HCN1: variants seen among roughly 807,000 people sequenced by gnomAD.
HCN1 encodes the protein potassium/sodium hyperpolarization-activated cyclic nucleotide-gated channel 1.
In HCN1, 13 loss-of-function variants were observed where a neutral mutation model predicts 78.9. That is an observed-to-expected ratio of 0.16 (90% CI 0.11 to 0.26). The LOEUF (loss-of-function observed/expected upper bound fraction) is 0.26, where lower values mean the gene tolerates loss of function less well. HCN1 is among the 10% of genes least tolerant of loss of function. The pLI, the probability that HCN1 is intolerant of heterozygous loss-of-function variation, is 1.00. For missense variants in HCN1, 810 were observed against 1,154.3 expected (o/e 0.70, Z 4.32); for synonymous variants, 552 against 455.5 (o/e 1.21, Z -2.70).
chr5:45,464,587 G>A (rs1741230982), intron 2 of HCN1, among the ~76,000 whole-genome samples: 1 of 152,152 alleles, frequency 6.6e-6, no homozygotes, highest in African/African-American at 2.4e-5. Flanking sequence ...CTGGTTAATA[G>A]CAGAGGCAAA....
At chr5:45,372,165 A>G (rs1453997424) in intron 4 of HCN1, among the ~76,000 whole-genome samples, 1 of 59,118 alleles carries the variant, frequency 1.7e-5, no homozygotes, top group Non-Finnish European at 2.5e-5. Context: ...ATGTTATTAT[A>G]TATAATTATA....
At chr5:45,374,633 C>G (rs766184975) in intron 4 of HCN1, among the ~76,000 whole-genome samples, 1 of 150,442 alleles carries the variant, frequency 6.6e-6, no homozygotes, top group Non-Finnish European at 1.5e-5. Context: ...GGACTCCTTC[C>G]TAACTCATTC....
chr5:45,371,559 C>A (rs552274992), intron 4 of HCN1, among the ~76,000 whole-genome samples: 1 of 151,486 alleles, frequency 6.6e-6, no homozygotes, highest in Admixed American at 6.6e-5. Flanking sequence ...GAGTTTGAGA[C>A]CATCCTGGAC....
intron 2 of HCN1, among the ~76,000 whole-genome samples, chr5:45,512,933 C>T (rs1053262674): frequency 1.2e-4 from 18 of 152,014 alleles, no homozygotes; most frequent in East Asian, 3.9e-4. Context: ...TATTTATCAA[C>T]GCCCATTTAC....
intron 2 of HCN1, among the ~76,000 whole-genome samples, chr5:45,499,311 T>C (rs187434572): frequency 5.6e-4 from 85 of 152,286 alleles, no homozygotes; most frequent in Admixed American, 4.6e-3. Flanking sequence ...TTTAAGACGG[T>C]TGGAAAAGCG....
intron 5 of HCN1, among the ~76,000 whole-genome samples, chr5:45,348,360 A>C (rs1230913079): frequency 1.3e-5 from 2 of 152,190 alleles, no homozygotes; most frequent in Non-Finnish European, 2.9e-5. Flanking sequence ...AGAGCTCCTG[A>C]AGGAAGCACT....
At chr5:45,379,573 A>C (rs1216670023) in intron 4 of HCN1, among the ~76,000 whole-genome samples, 1 of 152,128 alleles carries the variant, frequency 6.6e-6, no homozygotes, top group Non-Finnish European at 1.5e-5. Flanking sequence ...GACACAAGAT[A>C]CTTCCTTATT....
chr5:45,592,472 A>G (rs1391147061), intron 2 of HCN1, among the ~76,000 whole-genome samples: 1 of 152,164 alleles, frequency 6.6e-6, no homozygotes, highest in African/African-American at 2.4e-5. Context: ...AGATGATACT[A>G]ATTAGCTATT....
chr5:45,606,173 A>T (rs911029423), intron 2 of HCN1, among the ~76,000 whole-genome samples: 1 of 152,014 alleles, frequency 6.6e-6, no homozygotes, highest in Non-Finnish European at 1.5e-5. Flanking sequence ...TCTCACTTTT[A>T]TACCTTAAAA....
intron 2 of HCN1, among the ~76,000 whole-genome samples, chr5:45,567,564 C>T (rs1743734112): frequency 5.2e-5 from 1 of 19,400 alleles, no homozygotes; most frequent in Non-Finnish European, 1.5e-4. Flanking sequence ...AGGCTACACA[C>T]ACACACACAC....
chr5:45,284,946 T>C (rs1013617377), intron 6 of HCN1, among the ~76,000 whole-genome samples: 2 of 152,082 alleles, frequency 1.3e-5, no homozygotes, highest in African/African-American at 4.8e-5. Flanking sequence ...GTCAATTCTA[T>C]TAAACTCTAA....
At chr5:45,578,098 G>C (rs2111914551) in intron 2 of HCN1, among the ~76,000 whole-genome samples, 1 of 152,058 alleles carries the variant, frequency 6.6e-6, no homozygotes, top group Middle Eastern at 3.4e-3. Context: ...TTGTCACAGG[G>C]ATGGTAAGAA....
chr5:45,348,732 G>A (rs1474308225), intron 5 of HCN1, among the ~76,000 whole-genome samples: 1 of 152,138 alleles, frequency 6.6e-6, no homozygotes, highest in African/African-American at 2.4e-5. Flanking sequence ...CCTAGTCTCT[G>A]ATAAAACAGA....
intron 1 of HCN1, among the ~76,000 whole-genome samples, chr5:45,666,304 C>T (rs777353229): frequency 6.6e-6 from 1 of 152,030 alleles, no homozygotes; most frequent in African/African-American, 2.4e-5. Flanking sequence ...GTTTAAATTA[C>T]TAGTCAATGA....
rs750563670 is a variant in HCN1, at chr5:45,645,619, T to TA, written c.426-12dup. The TA allele has an allele frequency of 5.1e-6, 8 of 1,570,976 alleles. No individual in the cohort carries two copies. The highest frequency in any genetic ancestry group is 1.7e-5 in the Admixed American group (1 of 57,806). ...AAATCCCAGTAAAACCTACAACAAA[T>TA]AAAAAAATCAGATTTTAAGATATAG... On this transcript the variant is annotated splice_polypyrimidine_tract_variant and intron_variant, in intron 1 of 7. Transcript: ENST00000303230.
At chr5:45,677,321 A>G (rs1261930352) in intron 1 of HCN1, among the ~76,000 whole-genome samples, 2 of 151,830 alleles carry the variant, frequency 1.3e-5, no homozygotes, top group African/African-American at 4.8e-5. Flanking sequence ...GCTGGCACAT[A>G]CTAGGTGATC....
At chr5:45,349,532 A>G (rs1746837460) in intron 5 of HCN1, among the ~76,000 whole-genome samples, 1 of 152,220 alleles carries the variant, frequency 6.6e-6, no homozygotes, top group South Asian at 2.1e-4. Context: ...TCAGAGCAGA[A>G]CTGAAGGAAA....
chr5:45,307,395 G>A (rs1429338881), intron 5 of HCN1, among the ~76,000 whole-genome samples: 1 of 151,982 alleles, frequency 6.6e-6, no homozygotes, highest in African/African-American at 2.4e-5. Flanking sequence ...AGGAAAAGAG[G>A]GGAAAAGTAG....
At chr5:45,452,568 C>G (rs1335940529) in intron 3 of HCN1, among the ~76,000 whole-genome samples, 1 of 151,772 alleles carries the variant, frequency 6.6e-6, no homozygotes, top group Non-Finnish European at 1.5e-5. Flanking sequence ...ACCCTCCACC[C>G]TCAAGTAGGC....
Sources: gnomAD v4.1 joint callset for allele counts (sites outside exome capture counted in the v4.1 genomes callset) on GRCh38, gnomAD v4.1.1 for gene constraint, MANE v1.5 for transcripts, NCBI Gene and HGNC (gene_info 2026-07-23, HGNC 2026-07-21) for gene names.